The following TMEM51 variants were observed in gnomAD, a reference collection of about 807,000 sequenced individuals.
TMEM51 encodes transmembrane protein 51.
Under a neutral mutation model 13.6 loss-of-function variants are expected in TMEM51, and 8 were observed. The ratio of observed to expected loss-of-function variants is 0.59; its 90% CI spans 0.35 to 1.07. The LOEUF (loss-of-function observed/expected upper bound fraction) is 1.07. Among genes scored for constraint, TMEM51 ranks in the 50% least tolerant of loss-of-function variants. The pLI, the probability that TMEM51 is intolerant of heterozygous loss-of-function variation, is 0.02. For missense variants in TMEM51, 279 were observed against 330.7 expected, an observed-to-expected ratio of 0.84 and a Z score of 1.21; for synonymous variants, 147 against 144.4, an observed-to-expected ratio of 1.02 and a Z score of -0.13.
chr1:15,164,804 T>TC (rs1353665758), intron 1 of TMEM51, among the ~76,000 whole-genome samples: 6 of 136,714 alleles, frequency 4.4e-5, no homozygotes, highest in Non-Finnish European at 6.1e-5. Context: ...TTTTTTTTTT[T>TC]TCCTTTTTTT....
chr1:15,175,382 A>G (rs1202265796), intron 1 of TMEM51, among the ~76,000 whole-genome samples: 1 of 152,196 alleles, frequency 6.6e-6, no homozygotes, highest in Non-Finnish European at 1.5e-5. Flanking sequence ...TCTGGGCAAT[A>G]AGAGCGAAAC....
In TMEM51 at chr1:15,219,548, G is replaced by T; in HGVS notation, c.567G>T (p.Arg189Ser). The change falls in exon 4 of 4, where the codon AGG (arginine) becomes AGT (serine). Residue 189 changes from arginine (R) to serine (S), a missense_variant. By Grantham distance (110) the Arg-to-Ser change is moderately radical (BLOSUM62 -1). Transcript: ENST00000376008. The part of the protein sequence containing the change: ...VEASPGNPPD[R>S]QNSKLAKRLK... ...CCAGCCCTGGGAACCCCCCTGACAG[G>T]CAGAACTCTAAGTTGGCCAAACGAC... 4 of 1,614,028 alleles carry T rather than the reference G, an allele frequency of 2.5e-6. No individual in the cohort carries two copies. Among genetic ancestry groups the T allele is most frequent in the Non-Finnish European group, 2.5e-6 (3 of 1,180,024 alleles).
At chr1:15,194,233 G>T (rs1473068033) in intron 1 of TMEM51, among the ~76,000 whole-genome samples, 2 of 152,112 alleles carry the variant, frequency 1.3e-5, no homozygotes, top group Non-Finnish European at 2.9e-5. Context: ...AAAGAAACAG[G>T]CAAAATTAAT....
At chr1:15,168,062 T>C (rs1313136797) in intron 1 of TMEM51, among the ~76,000 whole-genome samples, 1 of 152,246 alleles carries the variant, frequency 6.6e-6, no homozygotes, top group African/African-American at 2.4e-5. Flanking sequence ...TTCTTGTATA[T>C]ACTTCTAGAA....
chr1:15,179,074 GT>G (rs1383162675), intron 1 of TMEM51, among the ~76,000 whole-genome samples: 1 of 152,188 alleles, frequency 6.6e-6, no homozygotes, highest in Non-Finnish European at 1.5e-5. Context: ...AGCAGATCTT[GT>G]AACCTCCAGG....
chr1:15,172,795 T>C (rs1017260840), intron 1 of TMEM51, among the ~76,000 whole-genome samples: 1 of 152,242 alleles, frequency 6.6e-6, no homozygotes, highest in East Asian at 1.9e-4. Flanking sequence ...TGTGATGAAA[T>C]CTCACACTGT....
At chr1:15,201,079 T>A (rs994838466) in intron 1 of TMEM51, among the ~76,000 whole-genome samples, 4 of 152,226 alleles carry the variant, frequency 2.6e-5, no homozygotes, top group Admixed American at 2.0e-4. Flanking sequence ...TTCATCCAGA[T>A]AAAACTAATC....
chr1:15,220,034 C>T lies in TMEM51; in HGVS notation c.*291C>T. On this transcript the variant is annotated 3_prime_UTR_variant, in exon 4 of 4. Transcript: ENST00000376008. The stretch of plus-strand genomic sequence containing the variant: ...TTCCCATCCTTTTCACTCCGAATCG[C>T]TGGCGACACATTCTCCTTTCCAGCT... The T allele has an allele frequency of 2.5e-6, 1 of 397,610 alleles. No homozygotes were observed. Among genetic ancestry groups the T allele is most frequent in the Non-Finnish European group, 4.5e-6 (1 of 221,186 alleles). 24.6% of individuals were successfully genotyped at this position (397,610 alleles called of 1,614,324 possible).
chr1:15,195,014 G>A (rs1644019664), intron 1 of TMEM51, among the ~76,000 whole-genome samples: 1 of 139,964 alleles, frequency 7.1e-6, no homozygotes, highest in South Asian at 2.2e-4. Flanking sequence ...AACCTCCACT[G>A]CCCAGGCTCA....
intron 1 of TMEM51, among the ~76,000 whole-genome samples, chr1:15,193,575 C>CTTTCTTTCTTTTTTTTTTT (rs1249772503): frequency 8.7e-6 from 1 of 114,656 alleles, no homozygotes; most frequent in African/African-American, 3.6e-5. Flanking sequence ...TTCTTTCTTT[C>CTTTCTTTCTTTTTTTTTTT]TTTTTTTTTT....
At chr1:15,202,771 A>G (rs1644180894) in intron 1 of TMEM51, among the ~76,000 whole-genome samples, 1 of 152,224 alleles carries the variant, frequency 6.6e-6, no homozygotes, top group African/African-American at 2.4e-5. Context: ...ATAGGCTAGA[A>G]GTTACAAATT....
At chr1:15,162,051 G>A (rs973377095) in intron 1 of TMEM51, among the ~76,000 whole-genome samples, 1 of 152,004 alleles carries the variant, frequency 6.6e-6, no homozygotes, top group Non-Finnish European at 1.5e-5. Flanking sequence ...GAGGAGAGAA[G>A]GAGTGGGGAG....
intron 1 of TMEM51, among the ~76,000 whole-genome samples, chr1:15,178,289 A>C (rs761298): frequency 0.13 from 19,402 of 151,762 alleles, 1,606 homozygotes; most frequent in South Asian, 0.18. Context: ...CCAAGCCTTA[A>C]CTCCCTTCCT....
chr1:15,182,261 A>C (rs1643644307), intron 1 of TMEM51, among the ~76,000 whole-genome samples: 2 of 152,208 alleles, frequency 1.3e-5, no homozygotes, highest in Non-Finnish European at 2.9e-5. Context: ...TCCCTTCTGG[A>C]GTCAAATCCC....
intron 3 of TMEM51, among the ~76,000 whole-genome samples, chr1:15,216,225 C>A (rs556518674): frequency 6.6e-6 from 1 of 152,090 alleles, no homozygotes; most frequent in South Asian, 2.1e-4. Context: ...GGCTGGGAAG[C>A]AATTTTCCAT....
intron 3 of TMEM51, 90 bp downstream of exon 3, chr1:15,215,521 A>T: frequency 8.4e-7 from 1 of 1,185,882 alleles, no homozygotes; most frequent in Non-Finnish European, 1.2e-6. Context: ...TGGTGAAAAG[A>T]CTGTCATCTA....
At chr1:15,208,311 C>G (rs1644284030) in intron 1 of TMEM51, among the ~76,000 whole-genome samples, 1 of 152,116 alleles carries the variant, frequency 6.6e-6, no homozygotes, top group African/African-American at 2.4e-5. Flanking sequence ...AGCTGAGAGA[C>G]AGAGGTCTCT....
intron 1 of TMEM51, among the ~76,000 whole-genome samples, chr1:15,210,157 T>G (rs1466771840): frequency 6.6e-6 from 1 of 152,200 alleles, no homozygotes; most frequent in Non-Finnish European, 1.5e-5. Context: ...GCCTTGTTCT[T>G]TTCTAGTTTT....
chr1:15,217,975 C>A (rs918082369), intron 3 of TMEM51, among the ~76,000 whole-genome samples: 1 of 152,226 alleles, frequency 6.6e-6, no homozygotes, highest in Non-Finnish European at 1.5e-5. Flanking sequence ...AATCACTCAT[C>A]ATTCCCCACC....
Sources: gnomAD v4.1 joint callset for allele counts (sites outside exome capture counted in the v4.1 genomes callset) on GRCh38, gnomAD v4.1.1 for gene constraint, MANE v1.5 for transcripts, NCBI Gene and HGNC (gene_info 2026-07-23, HGNC 2026-07-21) for gene names.